PPP2R3B: variants seen among roughly 807,000 people sequenced by gnomAD.
PPP2R3B encodes serine/threonine-protein phosphatase 2A regulatory subunit B'' subunit beta.
A neutral mutation model predicts 72.9 loss-of-function variants in PPP2R3B; 68 were observed. That is an observed-to-expected ratio of 0.93 (90% CI 0.77 to 1.14). The LOEUF is 1.14. Ranked by LOEUF, PPP2R3B falls within the 50% of genes most tolerant of loss-of-function variation. The pLI, the probability that PPP2R3B is intolerant of heterozygous loss-of-function variation, is 0.00. For missense variants in PPP2R3B, 1,018 were observed against 842.0 expected (o/e 1.21, Z -2.59); for synonymous variants, 466 against 375.8 (o/e 1.24, Z -2.78).
rs375950071 is a variant in PPP2R3B, at chrX:341,879, G to A, written c.1085+4C>T. 1.4e-5 allele frequency: 23 copies of A among 1,612,500 alleles called. No homozygotes were observed. The highest frequency in any genetic ancestry group is 4.5e-5 in the East Asian group (2 of 44,896). On this transcript the variant is annotated splice_donor_region_variant and intron_variant, in intron 8 of 12. Transcript: ENST00000390665. ...CTGCCGTCAGGCGCCTGAGCCGTAC[G>A]TACCGTGTGACTGCTCCTGAGAAGA... is the stretch of plus-strand genomic sequence containing the variant.
At chrX:380,402 C>CA (rs1290791949) in intron 1 of PPP2R3B, among the ~76,000 whole-genome samples, 1 of 152,148 alleles carries the variant, frequency 6.6e-6, no homozygotes, top group Non-Finnish European at 1.5e-5. Context: ...ACGACCTGAA[C>CA]AGACGCTCGA....
At chrX:358,380 A>C (rs2071477349) in intron 2 of PPP2R3B, among the ~76,000 whole-genome samples, 1 of 120,240 alleles carries the variant, frequency 8.3e-6, no homozygotes, top group South Asian at 2.6e-4. Flanking sequence ...CTCTGCCCAC[A>C]GTCACGGTGG....
At chrX:374,901 G>T (rs1032157815) in intron 1 of PPP2R3B, among the ~76,000 whole-genome samples, 2 of 152,120 alleles carry the variant, frequency 1.3e-5, no homozygotes, top group African/African-American at 4.8e-5. Flanking sequence ...GTGTGGCACT[G>T]ACGCACCCAA....
intron 2 of PPP2R3B, among the ~76,000 whole-genome samples, chrX:357,409 G>T (rs752295542): frequency 6.6e-6 from 1 of 152,236 alleles, no homozygotes; most frequent in Non-Finnish European, 1.5e-5. Context: ...ACAGAAGGAA[G>T]TGTATGTAAA....
At chrX:378,580 G>A (rs1245939607) in intron 1 of PPP2R3B, among the ~76,000 whole-genome samples, 5 of 152,244 alleles carry the variant, frequency 3.3e-5, no homozygotes, top group South Asian at 4.1e-4. Context: ...TGCAGAGCAC[G>A]GCTTCCTCCC....
intron 2 of PPP2R3B, among the ~76,000 whole-genome samples, chrX:360,006 C>CGCT (rs1427665930): frequency 1.2e-5 from 1 of 86,852 alleles, no homozygotes; most frequent in African/African-American, 4.9e-5. Context: ...AGGGCGGGGA[C>CGCT]ACTTAATGTG....
chrX:363,254 C>CGCG (rs2071582033), intron 1 of PPP2R3B, among the ~76,000 whole-genome samples: 5 of 142,706 alleles, frequency 3.5e-5, no homozygotes, highest in African/African-American at 8.7e-5. Context: ...TCCCCGAGCC[C>CGCG]ATGATCCCGC....
intron 2 of PPP2R3B, chrX:347,984 A>G (rs937501719): frequency 1.2e-5 from 5 of 414,548 alleles, no homozygotes; most frequent in Admixed American, 4.3e-5. Context: ...CTGGAAATCA[A>G]GCGGCACGTA....
chrX:338,986 T>C lies in PPP2R3B; in HGVS notation c.1352-90A>G, dbSNP rs180889300. On this transcript the variant is annotated intron_variant, in intron 10 of 12. Coordinates refer to ENST00000390665, the MANE Select transcript of PPP2R3B (RefSeq NM_013239.5). ...GGTGCGCGCGTCCTGTCACACGTGCTTAAGGACGCGGCACGAAGCTCCGGG... is the reference window on the plus strand; with the variant it reads ...GGTGCGCGCGTCCTGTCACACGTGCCTAAGGACGCGGCACGAAGCTCCGGG... 3,557 of 1,061,506 alleles carry C rather than the reference T, an allele frequency of 3.4e-3. 33 individuals are homozygous for C. Among genetic ancestry groups the C allele is most frequent in the South Asian group, 0.016 (1,291 of 79,252 alleles). The allele number at this position is 1,061,506 out of a possible 1,614,324, so 65.8% of individuals were successfully genotyped here. A position where few individuals can be genotyped will look rare whatever the true frequency, so the allele number is the denominator to read the frequency against.
rs764125954 is a variant in PPP2R3B, at chrX:347,252, G to C, written c.699C>G (p.Asp233Glu). 4 of 1,613,588 alleles carry C rather than the reference G, an allele frequency of 2.5e-6. No individual in the cohort carries two copies. The African/African-American group carries it at 4.0e-5, about 16-fold the overall frequency. ...SPGCNYLVQEDFVPFLQDVVN... is the reference protein window; with the variant it reads ...SPGCNYLVQEEFVPFLQDVVN... Reference sequence around the variant, plus strand: ...CTCTCACCTGCAAGAAGGGGACAAAGTCCTCCTGCACCAGGTAGTTGCAGC... The same window carrying C: ...CTCTCACCTGCAAGAAGGGGACAAACTCCTCCTGCACCAGGTAGTTGCAGC... Residue 233 changes from aspartate to glutamate, a missense_variant, in exon 4 of 13, where the codon GAC becomes GAG. Coordinates refer to ENST00000390665, the MANE Select transcript of PPP2R3B (RefSeq NM_013239.5).
At chrX:343,894 G>T (rs188579229) in intron 7 of PPP2R3B, among the ~76,000 whole-genome samples, 13 of 41,262 alleles carry the variant, frequency 3.2e-4, no homozygotes, top group South Asian at 1.1e-3. Context: ...GAGGCGGGAG[G>T]GAGACCTCAC....
chrX:363,871 G>C (rs1298161438), intron 1 of PPP2R3B, among the ~76,000 whole-genome samples: 1 of 152,220 alleles, frequency 6.6e-6, no homozygotes, highest in African/African-American at 2.4e-5. Flanking sequence ...GTGAGCTCTC[G>C]GGCTCCTGTG....
chrX:360,233 A>G (rs1225413499), intron 2 of PPP2R3B, among the ~76,000 whole-genome samples: 1 of 152,226 alleles, frequency 6.6e-6, no homozygotes, highest in East Asian at 1.9e-4. Flanking sequence ...TGTATTAATA[A>G]GTTAAAAAAA....
At chrX:346,104 A>AGGAGAGAGGGGGG (rs2071203934) in intron 6 of PPP2R3B, 70 bp downstream of exon 6, 5 of 866,730 alleles carry the variant, frequency 5.8e-6, no homozygotes, top group African/African-American at 3.2e-5. Flanking sequence ...GGGAGGAGGG[A>AGGAGAGAGGGGGG]AGGGAAGGGA....
At chrX:361,680 G>C in intron 1 of PPP2R3B, 90 bp from the exon 2 acceptor site, 1 of 1,487,034 alleles carries the variant, frequency 6.7e-7, no homozygotes, top group Non-Finnish European at 9.2e-7. Context: ...CTCTAGGGCC[G>C]ACAGTGCTGA....
chrX:359,861 C>T, intron 2 of PPP2R3B: 1 of 515,012 alleles, frequency 1.9e-6, no homozygotes, highest in Admixed American at 2.0e-5. Context: ...AGAAACAGCA[C>T]AGACAGGGAC....
rs768859697 is a variant in PPP2R3B at position 341,908 on chromosome X, T to G, written c.1060A>C (p.Arg354=). The G allele has an allele frequency of 6.2e-7, 1 of 1,612,666 alleles. No homozygotes were observed. Among genetic ancestry groups the G allele is most frequent in the South Asian group, 1.1e-5 (1 of 91,082 alleles). ...CGTGTGACTGCTCCTGAGAAGATCC[T>G]GTCTATCATCTTGGTAGAAAGGGCT... ...DHALSTKMID[R]IFSGAVTRGR... is the part of the protein sequence containing the mutation. Residue 354 remains arginine, a synonymous_variant, in exon 8 of 13, where the codon AGG becomes CGG. Coordinates refer to ENST00000390665, the MANE Select transcript of PPP2R3B (RefSeq NM_013239.5).
Position 334,433 on chromosome X carries a change from G to A in PPP2R3B, c.1662C>T (p.Pro554=). 1.3e-6 allele frequency: 2 copies of A among 1,595,702 alleles called. No homozygotes were observed. The highest frequency in any genetic ancestry group is 1.7e-6 in the Non-Finnish European group (2 of 1,176,150). ...ACAGGTCCACGGCGCCCAGCGGTGAGGGCGCCTCGAAGAAGGGCCTCTGGG... is the reference window on the plus strand; with the variant it reads ...ACAGGTCCACGGCGCCCAGCGGTGAAGGCGCCTCGAAGAAGGGCCTCTGGG... ...PLAQRPFFEA[P]SPLGAVDLYE... Residue 554 remains proline, a synonymous_variant, in exon 13 of 13, where the codon CCC becomes CCT. Transcript: ENST00000390665.
At chrX:352,054 C>G (rs73178014) in intron 2 of PPP2R3B, among the ~76,000 whole-genome samples, 5,650 of 152,142 alleles carry the variant, frequency 0.037, 136 homozygotes, top group Middle Eastern at 0.078. Context: ...GGCACACAGT[C>G]CCCCCACCAC....
Sources: allele counts gnomAD v4.1 joint callset (sites outside exome capture counted in the v4.1 genomes callset), GRCh38; gene constraint gnomAD v4.1.1; transcripts MANE v1.5; gene names NCBI Gene and HGNC (gene_info 2026-07-23, HGNC 2026-07-21).